PNPLA8: variants seen among roughly 807,000 people sequenced by gnomAD.
The protein encoded by PNPLA8 is patatin like domain 8, phospholipase A2.
In PNPLA8, 39 loss-of-function variants were observed where a neutral mutation model predicts 76.9. The ratio of observed to expected loss-of-function variants is 0.51; its 90% CI spans 0.39 to 0.66. PNPLA8 has a LOEUF of 0.66. Ranked by LOEUF, PNPLA8 falls within the 30% of genes least tolerant of loss-of-function variation. The pLI is 0.00. For missense variants in PNPLA8, 887 were observed against 918.0 expected, an observed-to-expected ratio of 0.97 and a Z score of 0.44; for synonymous variants, 301 against 307.9, an observed-to-expected ratio of 0.98 and a Z score of 0.24.
chr7:108,502,546 C>T lies in PNPLA8; in HGVS notation c.1303G>A (p.Asp435Asn), dbSNP rs1330294567. ...CGGATTCCTCTCCCTTTCACTGGAT[C>T]CACATAGCCAATTAGGGCCAAAATT... ...REILALIGYV[D>N]PVKGRGIRIL... is the part of the protein sequence containing the mutation. The change falls in exon 5 of 11, where the codon GAT (aspartate) becomes AAT (asparagine). Residue 435 changes from aspartate (D) to asparagine (N), a missense_variant. Transcript: ENST00000257694. The T allele has an allele frequency of 6.2e-7, 1 of 1,612,200 alleles. No individual in the cohort carries two copies.
Position 108,525,648 on chromosome 7 carries a change from T to C in PNPLA8, c.-130+381A>G, listed in dbSNP as rs187821448. Among the ~76,000 whole-genome samples the C allele has an allele frequency of 7.5e-3, 1,146 of 152,290 alleles. 4 individuals are homozygous for C. Among genetic ancestry groups the C allele is most frequent in the Non-Finnish European group, 0.012 (809 of 68,008 alleles). ...ACTGACAGTCGAGAATGATGTAGAC[T>C]AGGGAAACCCTCCTGAGAGTGACCA... On this transcript the variant is annotated intron_variant, in intron 1 of 10. Transcript: ENST00000257694.
chr7:108,525,790 G>T (rs987885174), intron 1 of PNPLA8, among the ~76,000 whole-genome samples: 2 of 152,184 alleles, frequency 1.3e-5, no homozygotes, highest in Admixed American at 1.3e-4. Context: ...AACCAAATAC[G>T]GTTTGCGCTT....
At chr7:108,523,255 A>G (rs1298979437) in intron 1 of PNPLA8, among the ~76,000 whole-genome samples, 1 of 152,202 alleles carries the variant, frequency 6.6e-6, no homozygotes, top group African/African-American at 2.4e-5. Context: ...TATGTCACTT[A>G]ATTATTAATA....
chr7:108,494,046 G>A (rs1323289462), intron 7 of PNPLA8, among the ~76,000 whole-genome samples: 2 of 151,724 alleles, frequency 1.3e-5, no homozygotes, highest in Non-Finnish European at 2.9e-5. Context: ...ATGGAGCTGG[G>A]ACATTTGGAT....
chr7:108,497,604 A>T (rs779349110), intron 5 of PNPLA8, 27 bp from the exon 6 acceptor site: 1 of 1,342,714 alleles, frequency 7.4e-7, no homozygotes, highest in Non-Finnish European at 1.0e-6. Flanking sequence ...AGACAAAATG[A>T]CAATTCCTGT....
At chr7:108,500,889 G>A (rs984402660) in intron 5 of PNPLA8, among the ~76,000 whole-genome samples, 13 of 151,800 alleles carry the variant, frequency 8.6e-5, no homozygotes, top group East Asian at 3.9e-4. Context: ...ACTCCAGCCC[G>A]GACAACCAGA....
chr7:108,512,499 AT>A (rs200707877), intron 4 of PNPLA8, among the ~76,000 whole-genome samples: 5 of 150,950 alleles, frequency 3.3e-5, no homozygotes, highest in Admixed American at 1.3e-4. Flanking sequence ...TAAGTAACTC[AT>A]TTTTTTTTAG....
chr7:108,496,939 C>A (rs1476362054), intron 6 of PNPLA8, among the ~76,000 whole-genome samples, 184 bp from the exon 7 acceptor site: 1 of 152,000 alleles, frequency 6.6e-6, no homozygotes, highest in Non-Finnish European at 1.5e-5. Context: ...GTAATAAGAA[C>A]AACCAAAATT....
Position 108,472,352 on chromosome 7 carries a change from T to C in PNPLA8, c.*49A>G, listed in dbSNP as rs202098385. On this transcript the variant is annotated 3_prime_UTR_variant, in exon 11 of 11. Transcript: ENST00000257694. ...CCCCACAATTCCTTATTGAATGTGG[T>C]TGATCTTCTAAACAGACCTTCATTT... 503 of 1,286,936 alleles carry C rather than the reference T, an allele frequency of 3.9e-4. 2 individuals carry two copies. Among genetic ancestry groups the C allele is most frequent in the Non-Finnish European group, 4.0e-4 (373 of 931,122 alleles). 79.7% of individuals were successfully genotyped at this position (1,286,936 alleles called of 1,614,324 possible).
At chr7:108,474,617 G>A (rs530379401) in intron 10 of PNPLA8, among the ~76,000 whole-genome samples, 2 of 152,296 alleles carry the variant, frequency 1.3e-5, no homozygotes, top group East Asian at 3.9e-4. Context: ...TTTTGTGTAT[G>A]GTGCAAAGGG....
intron 9 of PNPLA8, among the ~76,000 whole-genome samples, chr7:108,481,886 G>A (rs1487044069): frequency 1.3e-5 from 2 of 152,178 alleles, no homozygotes; most frequent in Non-Finnish European, 2.9e-5. Context: ...GTGTTTGTGT[G>A]TGTGGTGGGG....
chr7:108,485,724 G>A (rs1051587282), intron 9 of PNPLA8, among the ~76,000 whole-genome samples: 6 of 152,012 alleles, frequency 3.9e-5, no homozygotes, highest in Non-Finnish European at 5.9e-5. Context: ...CTTCTGAGTT[G>A]TCATTTGAAG....
Position 108,472,218 on chromosome 7 carries a change from T to A in PNPLA8, c.*183A>T. 6.2e-6 allele frequency: 3 copies of A among 487,160 alleles called. No homozygotes were observed. Among genetic ancestry groups the A allele is most frequent in the East Asian group, 7.1e-5 (2 of 28,068 alleles). 30.2% of individuals were successfully genotyped at this position (487,160 alleles called of 1,614,324 possible). ...ACATCTTAAAAGCCTAGTTCCCATA[T>A]GAATTCTGTAACCAAGAATATTCTC... On this transcript the variant is annotated 3_prime_UTR_variant, in exon 11 of 11. Transcript: ENST00000257694.
chr7:108,479,455 T>C, intron 9 of PNPLA8, 76 bp from the exon 10 acceptor site: 1 of 990,266 alleles, frequency 1.0e-6, no homozygotes, highest in African/African-American at 1.6e-5. Context: ...ATAAGCTAAA[T>C]AAATTATTTA....
At chr7:108,500,592 A>G (rs1445659406) in intron 5 of PNPLA8, among the ~76,000 whole-genome samples, 1 of 152,146 alleles carries the variant, frequency 6.6e-6, no homozygotes, top group Non-Finnish European at 1.5e-5. Context: ...ACCTATGTCT[A>G]CCATATCCTG....
chr7:108,524,336 G>C (rs1291348018), intron 1 of PNPLA8, among the ~76,000 whole-genome samples: 2 of 152,132 alleles, frequency 1.3e-5, no homozygotes, highest in Admixed American at 1.3e-4. Flanking sequence ...CTGGTTTAGG[G>C]AGAGCGACAG....
At chr7:108,493,532 G>A (rs978604074) in intron 7 of PNPLA8, among the ~76,000 whole-genome samples, 22 of 144,184 alleles carry the variant, frequency 1.5e-4, no homozygotes, top group Admixed American at 6.9e-5. Flanking sequence ...AGCCTCCCCA[G>A]TAGCTGGGAC....
chr7:108,513,490 T>C (rs1289751578), intron 4 of PNPLA8, among the ~76,000 whole-genome samples: 2 of 152,094 alleles, frequency 1.3e-5, no homozygotes, highest in Middle Eastern at 3.2e-3. Flanking sequence ...AGATTTCTAA[T>C]GAAATGTAAG....
intron 8 of PNPLA8, among the ~76,000 whole-genome samples, chr7:108,491,116 C>T (rs1306745832): frequency 6.6e-6 from 1 of 151,972 alleles, no homozygotes; most frequent in Non-Finnish European, 1.5e-5. Flanking sequence ...ACCAGCCTGA[C>T]CAACATGAAG....
Sources: gnomAD v4.1 joint callset for allele counts (sites outside exome capture counted in the v4.1 genomes callset) on GRCh38, gnomAD v4.1.1 for gene constraint, MANE v1.5 for transcripts, NCBI Gene and HGNC (gene_info 2026-07-23, HGNC 2026-07-21) for gene names.